Variants in DUSP14 observed in about 807,000 individuals in gnomAD.
DUSP14 encodes the protein dual specificity protein phosphatase 14.
In DUSP14, 5 loss-of-function variants were observed where a neutral mutation model predicts 13.2. That is an observed-to-expected ratio of 0.38 (90% CI 0.20 to 0.80). DUSP14 has a LOEUF of 0.80. DUSP14 is among the 30% of genes least tolerant of loss of function. The probability of loss-of-function intolerance (pLI) is 0.44; values close to 1 mark genes in which losing one functional copy is unlikely to be tolerated. For missense variants in DUSP14, 185 were observed against 264.0 expected (o/e 0.70, Z 2.07); for synonymous variants, 91 against 103.4 (o/e 0.88, Z 0.73).
At chr17:37,507,378 C>T (rs991331334) in intron 1 of DUSP14, among the ~76,000 whole-genome samples, 4 of 152,186 alleles carry the variant, frequency 2.6e-5, no homozygotes, top group African/African-American at 9.6e-5. Flanking sequence ...CGCCACTCAG[C>T]AAATGCGAGT....
intron 2 of DUSP14, among the ~76,000 whole-genome samples, 196 bp downstream of exon 2, chr17:37,510,960 T>C (rs1015326581): frequency 2.0e-5 from 3 of 150,190 alleles, no homozygotes; most frequent in Non-Finnish European, 2.9e-5. Flanking sequence ...AACTGAGAAC[T>C]TCCTTTTCTG....
intron 1 of DUSP14, among the ~76,000 whole-genome samples, chr17:37,503,629 A>G (rs2054119310): frequency 6.6e-6 from 1 of 152,202 alleles, no homozygotes; most frequent in South Asian, 2.1e-4. Flanking sequence ...GACCAAATAC[A>G]AGAATTCAAT....
intron 1 of DUSP14, among the ~76,000 whole-genome samples, chr17:37,495,585 C>G (rs140363557): frequency 1.3e-5 from 2 of 152,094 alleles, no homozygotes; most frequent in African/African-American, 2.4e-5. Context: ...TGGCAGAGAG[C>G]GCCTTCAAAG....
At chr17:37,508,192 C>T (rs545935244) in intron 1 of DUSP14, among the ~76,000 whole-genome samples, 2 of 152,334 alleles carry the variant, frequency 1.3e-5, no homozygotes, top group Admixed American at 6.5e-5. Context: ...GGTCTGTTAG[C>T]ACCAGTACAC....
At chr17:37,493,631 G>T (rs1372465993) in intron 1 of DUSP14, among the ~76,000 whole-genome samples, 3 of 149,008 alleles carry the variant, frequency 2.0e-5, no homozygotes, top group Non-Finnish European at 3.0e-5. Context: ...TTTTCCCACT[G>T]TGTTTGGTTG....
At position 37,512,265 on chromosome 17, in the gene DUSP14, G is replaced by C. The variant is rs937818295; in HGVS notation, c.-8G>C. ...GCCAACGATGCAAGTGTGACTGCTG[G>C]CGTCTTCATGAGCTCCAGAGGTCAC... is the stretch of plus-strand genomic sequence containing the variant. On this transcript the variant is annotated 5_prime_UTR_variant, in exon 3 of 3. Transcript: ENST00000617516. This position sits in a 1 kb window ranked among gnomAD's most constrained non-coding sequence, Gnocchi z 4.8. The C allele has an allele frequency of 1.3e-6, 2 of 1,585,148 alleles. No individual in the cohort carries two copies. The highest frequency in any genetic ancestry group is 1.7e-6 in the Non-Finnish European group (2 of 1,162,432).
At chr17:37,509,253 A>AC (rs1286991965) in intron 1 of DUSP14, among the ~76,000 whole-genome samples, 2 of 20,880 alleles carry the variant, frequency 9.6e-5, no homozygotes, top group South Asian at 2.1e-3. Flanking sequence ...CTATATATAT[A>AC]TATATATATA....
chr17:37,509,064 A>T (rs1327413041), intron 1 of DUSP14, among the ~76,000 whole-genome samples: 1 of 113,926 alleles, frequency 8.8e-6, no homozygotes, highest in Non-Finnish European at 1.7e-5. Flanking sequence ...TGTCTAAGTT[A>T]TGCAGAGTGA....
At chr17:37,494,055 G>A (rs947131119) in intron 1 of DUSP14, among the ~76,000 whole-genome samples, 7 of 150,154 alleles carry the variant, frequency 4.7e-5, no homozygotes, top group South Asian at 4.2e-4. Context: ...GTGCAGTGGC[G>A]CGATCTCGGC....
In DUSP14 at chr17:37,512,818, C is replaced by T. The variant is rs550659266; in HGVS notation, c.546C>T (p.Pro182=). The T allele has an allele frequency of 2.9e-5, 47 of 1,612,266 alleles. No homozygotes were observed. The Middle Eastern group carries it at 1.5e-3, about 51-fold the overall frequency. The change falls in exon 3 of 3, where the codon CCC becomes CCT. Residue 182 remains proline (P), a synonymous_variant. Coordinates refer to ENST00000617516, the MANE Select transcript of DUSP14 (RefSeq NM_007026.4). This position sits in a 1 kb window ranked among gnomAD's most constrained non-coding sequence, Gnocchi z 4.8. The part of the protein sequence containing the change: ...KMVQTPYGIV[P]DVYEKESRHL... ...TACAGACACCTTATGGCATAGTTCC[C>T]GACGTCTATGAGAAGGAGTCCCGAC...
chr17:37,501,961 T>C (rs924918749), intron 1 of DUSP14, among the ~76,000 whole-genome samples: 2 of 152,244 alleles, frequency 1.3e-5, no homozygotes, highest in African/African-American at 4.8e-5. Flanking sequence ...GTACCAGTTG[T>C]TTCGTTCACT....
chr17:37,489,888 C>G (rs1299016863), upstream of DUSP14: 4 of 148,250 alleles, frequency 2.7e-5, no homozygotes, highest in Non-Finnish European at 6.0e-5. Flanking sequence ...CGGCGCCCAG[C>G]CCGCAGAAGC....
chr17:37,509,297 AGTGTGT>A (rs71135737), intron 1 of DUSP14, among the ~76,000 whole-genome samples: 3 of 26,794 alleles, frequency 1.1e-4, no homozygotes, highest in African/African-American at 1.5e-4. Context: ...ATATATATAT[AGTGTGT>A]GTGTGTGTGT....
At chr17:37,495,232 C>T (rs985825576) in intron 1 of DUSP14, among the ~76,000 whole-genome samples, 1 of 152,208 alleles carries the variant, frequency 6.6e-6, no homozygotes, top group Non-Finnish European at 1.5e-5. Flanking sequence ...GGGCTGAGAT[C>T]ACAGCCATGC....
intron 2 of DUSP14, among the ~76,000 whole-genome samples, chr17:37,511,783 A>G (rs1597975650): frequency 6.7e-6 from 1 of 149,000 alleles, no homozygotes; most frequent in Non-Finnish European, 1.5e-5. Flanking sequence ...TAAAAAATAA[A>G]AAGTTTTTTT....
intron 1 of DUSP14, among the ~76,000 whole-genome samples, chr17:37,493,027 GTGTA>G (rs1234242138): frequency 3.9e-5 from 6 of 152,036 alleles, no homozygotes; most frequent in Non-Finnish European, 8.8e-5. Context: ...GTATGTGTGT[GTGTA>G]TGTATGTATA....
At chr17:37,490,322 A>C (rs368817931) in intron 1 of DUSP14, among the ~76,000 whole-genome samples, 1 of 151,072 alleles carries the variant, frequency 6.6e-6, no homozygotes, top group East Asian at 2.0e-4. Flanking sequence ...GAGGCCGCCT[A>C]CTCTCGCTGG....
intron 2 of DUSP14, among the ~76,000 whole-genome samples, chr17:37,511,653 TCA>T (rs1347601259): frequency 4.2e-5 from 6 of 143,566 alleles, no homozygotes; most frequent in Non-Finnish European, 3.0e-5. Flanking sequence ...GGTGGTGCAA[TCA>T]CAGCTCACTG....
At chr17:37,511,446 A>G (rs1465601361) in intron 2 of DUSP14, among the ~76,000 whole-genome samples, 1 of 151,694 alleles carries the variant, frequency 6.6e-6, no homozygotes, top group Non-Finnish European at 1.5e-5. Context: ...ATGCTCAGCT[A>G]ATTTTTGTAT....
Sources: allele counts gnomAD v4.1 joint callset (sites outside exome capture counted in the v4.1 genomes callset), GRCh38; gene constraint gnomAD v4.1.1; non-coding constraint Gnocchi (gnomAD v3.1); transcripts MANE v1.5; gene names NCBI Gene and HGNC (gene_info 2026-07-23, HGNC 2026-07-21).